Variants in SHOC1 observed in about 807,000 individuals in gnomAD.
SHOC1 encodes the protein protein shortage in chiasmata 1 ortholog.
SHOC1 carries 136 observed loss-of-function variants against 179.2 expected under a neutral mutation model. That is an observed-to-expected ratio of 0.76 (90% CI 0.66 to 0.87). The LOEUF is 0.87. Among genes scored for constraint, SHOC1 ranks in the 40% least tolerant of loss-of-function variants. The pLI, the probability that SHOC1 is intolerant of heterozygous loss-of-function variation, is 0.00. For synonymous variants in SHOC1, 489 were observed against 586.6 expected (o/e 0.83, Z 2.41); for missense variants, 1,538 against 1,700.8 (o/e 0.90, Z 1.68).
rs536746907 is a variant in SHOC1, at chr9:111,762,480, T to C, written c.443-3632A>G. On this transcript the variant is annotated intron_variant, in intron 5 of 27. Coordinates refer to ENST00000682961, the MANE Select transcript of SHOC1 (RefSeq NM_001378211.1). The stretch of plus-strand genomic sequence containing the variant: ...CACGCTTTTGTGGAAAAATCAAGCA[T>C]AAAATAAAATATTCCCAAGATCATG... Among the ~76,000 whole-genome samples, 4 of 151,864 alleles carry C rather than the reference T, an allele frequency of 2.6e-5. No individual in the cohort carries two copies. The South Asian group carries it at 8.3e-4, about 32-fold the overall frequency.
chr9:111,717,217 A>G (rs1214837113), intron 16 of SHOC1, among the ~76,000 whole-genome samples: 2 of 152,256 alleles, frequency 1.3e-5, no homozygotes, highest in Non-Finnish European at 2.9e-5. Flanking sequence ...CTTAGATCAG[A>G]GGAAATTTAT....
At chr9:111,738,668 T>C in intron 11 of SHOC1, 146 bp from the exon 12 acceptor site, 4 of 718,494 alleles carry the variant, frequency 5.6e-6, no homozygotes, top group Non-Finnish European at 8.0e-6. Context: ...TTATAGCTGG[T>C]ATTTTTGTCT....
intron 5 of SHOC1, among the ~76,000 whole-genome samples, chr9:111,770,511 A>G (rs978251985): frequency 6.6e-6 from 1 of 152,160 alleles, no homozygotes; most frequent in African/African-American, 2.4e-5. Context: ...AATACACAGT[A>G]TGAAGTTAGC....
intron 2 of SHOC1, among the ~76,000 whole-genome samples, chr9:111,786,270 T>TA (rs1230123749): frequency 6.6e-6 from 1 of 152,056 alleles, no homozygotes; most frequent in Non-Finnish European, 1.5e-5. Flanking sequence ...CCATCTCTAC[T>TA]AAAAATACAA....
chr9:111,728,242 C>G (rs563311091), intron 12 of SHOC1, among the ~76,000 whole-genome samples, 193 bp from the exon 13 acceptor site: 1 of 151,988 alleles, frequency 6.6e-6, no homozygotes, highest in South Asian at 2.1e-4. Flanking sequence ...AATTTAGCAC[C>G]CTTCTTCTTA....
chr9:111,794,295 T>A (rs866153441), intron 1 of SHOC1, among the ~76,000 whole-genome samples: 48 of 135,466 alleles, frequency 3.5e-4, no homozygotes, highest in East Asian at 1.5e-3. Context: ...AAAAAAATAA[T>A]AAGATCCGCC....
intron 27 of SHOC1, among the ~76,000 whole-genome samples, chr9:111,689,343 A>AT (rs1296511149): frequency 3.6e-4 from 45 of 124,266 alleles, no homozygotes; most frequent in African/African-American, 1.5e-3. Flanking sequence ...AATAATAATA[A>AT]TAATAATTAT....
In SHOC1 at chr9:111,687,981, G is replaced by A. The variant is rs551758511; in HGVS notation, c.4427-1111C>T. Among the ~76,000 whole-genome samples, 22 of 152,224 alleles carry A rather than the reference G, an allele frequency of 1.4e-4. 1 individual carries two copies. The highest frequency in any genetic ancestry group is 8.3e-4 in the South Asian group (4 of 4,822). On this transcript the variant is annotated intron_variant, in intron 27 of 27. Transcript: ENST00000682961. ...AAACAAATCTTTAACTCCAATTAAG[G>A]AGCTAAAGAATCCTTAAGTAAACAA...
intron 13 of SHOC1, 40 bp from the exon 14 acceptor site, chr9:111,723,951 A>G: frequency 1.4e-6 from 2 of 1,399,122 alleles, no homozygotes; most frequent in Non-Finnish European, 1.9e-6. Flanking sequence ...TTGTTGTTCA[A>G]GAGAAACTTA....
chr9:111,786,074 T>A, intron 2 of SHOC1, 39 bp from the exon 3 acceptor site: 1 of 1,343,724 alleles, frequency 7.4e-7, no homozygotes, highest in Non-Finnish European at 9.9e-7. Flanking sequence ...TTTTAACATG[T>A]ACTATTTATC....
At chr9:111,702,269 C>G in intron 22 of SHOC1, 43 bp from the exon 23 acceptor site, 1 of 1,213,618 alleles carries the variant, frequency 8.2e-7, no homozygotes. Flanking sequence ...TTAGGTTGAA[C>G]AGTTATTATG....
intron 1 of SHOC1, among the ~76,000 whole-genome samples, chr9:111,793,206 T>C (rs1380517473): frequency 2.0e-5 from 3 of 152,174 alleles, no homozygotes; most frequent in Non-Finnish European, 4.4e-5. Context: ...CAAGCAAATA[T>C]TGATTCTAGA....
intron 12 of SHOC1, among the ~76,000 whole-genome samples, chr9:111,734,967 C>G (rs1427487673): frequency 6.6e-6 from 1 of 152,022 alleles, no homozygotes; most frequent in Non-Finnish European, 1.5e-5. Context: ...TCAACCCCTT[C>G]CCCCACTTCC....
chr9:111,719,374 A>G (rs1041861751), intron 15 of SHOC1, among the ~76,000 whole-genome samples: 1 of 152,172 alleles, frequency 6.6e-6, no homozygotes, highest in Non-Finnish European at 1.5e-5. Context: ...TATTGTTCCA[A>G]CTGGATACCC....
In SHOC1 at chr9:111,705,194, CACAT is replaced by C. The variant is rs1564111631; in HGVS notation, c.2855+49_2855+52del. On this transcript the variant is annotated intron_variant, in intron 21 of 27. Coordinates refer to ENST00000682961, the MANE Select transcript of SHOC1 (RefSeq NM_001378211.1). ...ATACACACACACACACACACACACA[CACAT>C]ATATATATAATGTACACTTTTGTTA... 4.2e-5 allele frequency: 32 copies of C among 756,440 alleles called. 2 individuals are homozygous for C. Among genetic ancestry groups the C allele is most frequent in the Admixed American group, 7.5e-5 (3 of 39,984 alleles). 46.9% of individuals were successfully genotyped at this position (756,440 alleles called of 1,614,324 possible). A position where few individuals can be genotyped will look rare whatever the true frequency, so the allele number is the denominator to read the frequency against.
At chr9:111,760,304 T>C (rs1835080251) in intron 5 of SHOC1, among the ~76,000 whole-genome samples, 1 of 152,220 alleles carries the variant, frequency 6.6e-6, no homozygotes, top group Non-Finnish European at 1.5e-5. Flanking sequence ...AGGTTGTTTA[T>C]AGCAAGAGTG....
intron 5 of SHOC1, among the ~76,000 whole-genome samples, chr9:111,768,639 CAT>C (rs542386773): frequency 3.2e-4 from 49 of 152,320 alleles, no homozygotes; most frequent in South Asian, 8.3e-4. Context: ...CAAGGGGTAA[CAT>C]GTGTTACATG....
At chr9:111,694,446 T>C in intron 24 of SHOC1, 84 bp from the exon 25 acceptor site, 1 of 1,005,576 alleles carries the variant, frequency 9.9e-7, no homozygotes. Context: ...AATTAGAAGA[T>C]AAAATTAAAC....
At chr9:111,788,973 A>G (rs1373008809) in intron 2 of SHOC1, among the ~76,000 whole-genome samples, 4 of 152,162 alleles carry the variant, frequency 2.6e-5, no homozygotes, top group Non-Finnish European at 5.9e-5. Flanking sequence ...CATGGTCTAC[A>G]CTGTACCTCT....
Sources: allele counts gnomAD v4.1 joint callset (sites outside exome capture counted in the v4.1 genomes callset), GRCh38; gene constraint gnomAD v4.1.1; transcripts MANE v1.5; gene names NCBI Gene and HGNC (gene_info 2026-07-23, HGNC 2026-07-21).